Variants in TUSC3 observed in about 807,000 individuals in gnomAD.
The protein encoded by TUSC3 is dolichyl-diphosphooligosaccharide--protein glycosyltransferase subunit TUSC3.
Under a neutral mutation model 44.8 loss-of-function variants are expected in TUSC3, and 45 were observed. That is an observed-to-expected ratio of 1.00 (90% confidence interval 0.79 to 1.29). The LOEUF is 1.29. Ranked by LOEUF, TUSC3 falls within the 50% of genes most tolerant of loss-of-function variation. The pLI is 0.00. For missense variants in TUSC3, 519 were observed against 437.9 expected (o/e 1.19, Z -1.65); for synonymous variants, 212 against 152.9 (o/e 1.39, Z -2.85).
chr8:15,793,496 T>C, the TUSC3 span, among the ~76,000 whole-genome samples: 1 of 152,236 alleles, frequency 6.6e-6, no homozygotes, highest in East Asian at 1.9e-4. Context: ...TCTTCTTTGT[T>C]CCCATGTTGC....
At chr8:15,633,663 A>G (rs1482344786) in intron 2 of TUSC3, among the ~76,000 whole-genome samples, 1 of 152,086 alleles carries the variant, frequency 6.6e-6, no homozygotes, top group African/African-American at 2.4e-5. Flanking sequence ...AGAGGTGGGG[A>G]AATGGAATAA....
At chr8:15,563,877 A>C (rs1802571851) in intron 1 of TUSC3, among the ~76,000 whole-genome samples, 1 of 152,190 alleles carries the variant, frequency 6.6e-6, no homozygotes, top group South Asian at 2.1e-4. Flanking sequence ...AATACCTATT[A>C]AACTGGTCTG....
chr8:15,585,539 T>C (rs1203220649), intron 1 of TUSC3, among the ~76,000 whole-genome samples: 2 of 152,206 alleles, frequency 1.3e-5, no homozygotes, highest in East Asian at 3.8e-4. Flanking sequence ...TATAGGAAAC[T>C]GATGAGGGCT....
At chr8:15,434,080 G>A (rs573630228) in intron 1 of TUSC3, among the ~76,000 whole-genome samples, 6 of 152,242 alleles carry the variant, frequency 3.9e-5, no homozygotes, top group East Asian at 1.9e-4. Flanking sequence ...CAATAGCAAC[G>A]TGAGAGAATT....
At chr8:15,541,617 C>G (rs1300544689) in intron 1 of TUSC3, among the ~76,000 whole-genome samples, 1 of 152,072 alleles carries the variant, frequency 6.6e-6, no homozygotes, top group Non-Finnish European at 1.5e-5. Flanking sequence ...TCAATTTTAA[C>G]TAATGTACCT....
At chr8:15,720,267 C>G (rs1810253323) in intron 6 of TUSC3, among the ~76,000 whole-genome samples, 2 of 151,046 alleles carry the variant, frequency 1.3e-5, no homozygotes, top group Non-Finnish European at 3.0e-5. Context: ...TTGATTCACA[C>G]TGATAGTTTA....
chr8:15,752,094 C>A (rs1421253), intron 9 of TUSC3, among the ~76,000 whole-genome samples: 47,108 of 151,916 alleles, frequency 0.31, 7,903 homozygotes, highest in Admixed American at 0.42. Context: ...AGCTAAGTGG[C>A]TGGCAGATCT....
At chr8:15,419,465 G>A (rs905852589) in intron 1 of TUSC3, among the ~76,000 whole-genome samples, 2 of 152,138 alleles carry the variant, frequency 1.3e-5, no homozygotes, top group Admixed American at 1.3e-4. Flanking sequence ...ATTTTAGAAT[G>A]TTTATTCATA....
At chr8:15,483,937 G>A (rs1247994897) in intron 2 of TUSC3, among the ~76,000 whole-genome samples, 2 of 151,992 alleles carry the variant, frequency 1.3e-5, no homozygotes, top group Admixed American at 6.6e-5. Flanking sequence ...GATTACAGGC[G>A]TGAGCCACCG....
chr8:15,562,499 T>C (rs1802515017), intron 1 of TUSC3, among the ~76,000 whole-genome samples: 1 of 152,134 alleles, frequency 6.6e-6, no homozygotes, highest in South Asian at 2.1e-4. Context: ...ATAACACCCA[T>C]TTCTTATCTC....
chr8:15,613,970 A>T (rs763936612), intron 1 of TUSC3, among the ~76,000 whole-genome samples: 7 of 151,102 alleles, frequency 4.6e-5, no homozygotes, highest in Non-Finnish European at 8.8e-5. Context: ...GTTATCTCCC[A>T]TGTGTACAGG....
chr8:15,562,506 T>C (rs972237099), intron 1 of TUSC3, among the ~76,000 whole-genome samples: 2 of 152,124 alleles, frequency 1.3e-5, no homozygotes, highest in African/African-American at 4.8e-5. Flanking sequence ...CCATTTCTTA[T>C]CTCCTAGTTT....
chr8:15,481,775 A>G (rs1259393523), intron 1 of TUSC3, among the ~76,000 whole-genome samples: 1 of 152,196 alleles, frequency 6.6e-6, no homozygotes, highest in Non-Finnish European at 1.5e-5. Flanking sequence ...GCCTTCAGCA[A>G]ATCATAATCT....
At chr8:15,649,008 G>C (rs1806763752) in intron 2 of TUSC3, among the ~76,000 whole-genome samples, 2 of 152,114 alleles carry the variant, frequency 1.3e-5, no homozygotes, top group Non-Finnish European at 2.9e-5. Context: ...TAACAGGCTA[G>C]GTCGTTAGCT....
chr8:15,627,132 A>T (rs1805547021), intron 2 of TUSC3, among the ~76,000 whole-genome samples: 1 of 152,200 alleles, frequency 6.6e-6, no homozygotes, highest in African/African-American at 2.4e-5. Context: ...AGATGATGAG[A>T]CAAAGAGATG....
the TUSC3 span, among the ~76,000 whole-genome samples, chr8:15,844,867 A>T: frequency 6.6e-6 from 1 of 152,180 alleles, no homozygotes; most frequent in Admixed American, 6.5e-5. Flanking sequence ...ATGTGGCAGC[A>T]TGAATATGTG....
the TUSC3 span, among the ~76,000 whole-genome samples, chr8:15,785,025 A>C: frequency 6.6e-6 from 1 of 152,102 alleles, no homozygotes; most frequent in African/African-American, 2.4e-5. Context: ...ATATATATAC[A>C]CACAATTATT....
At chr8:15,433,891 A>C (rs1015482823) in intron 1 of TUSC3, among the ~76,000 whole-genome samples, 5 of 152,110 alleles carry the variant, frequency 3.3e-5, no homozygotes, top group Admixed American at 3.3e-4. Context: ...TAAATATTTT[A>C]TATACACATA....
chr8:15,789,053 C>T, the TUSC3 span, among the ~76,000 whole-genome samples: 4 of 152,174 alleles, frequency 2.6e-5, no homozygotes, highest in African/African-American at 7.2e-5. Flanking sequence ...AAGCTCTTGC[C>T]ATTTCAAGGA....
Sources: allele counts gnomAD v4.1 joint callset (sites outside exome capture counted in the v4.1 genomes callset), GRCh38; gene constraint gnomAD v4.1.1; transcripts MANE v1.5; gene names NCBI Gene and HGNC (gene_info 2026-07-23, HGNC 2026-07-21).